Variants in OR1J2 observed in about 807,000 individuals in gnomAD.
OR1J2 encodes olfactory receptor 1J2.
For synonymous variants in OR1J2, 142 were observed against 99.7 expected, an observed-to-expected ratio of 1.42 and a Z score of -2.52; for missense variants, 304 against 246.1, an observed-to-expected ratio of 1.24 and a Z score of -1.57.
the OR1J2 span, among the ~76,000 whole-genome samples, chr9:122,468,456 C>A: frequency 6.6e-6 from 1 of 152,154 alleles, no homozygotes; most frequent in Non-Finnish European, 1.5e-5. Context: ...TGGACAAAAT[C>A]ATAAGGGTAA....
At chr9:122,577,879 T>C in the OR1J2 span, among the ~76,000 whole-genome samples, 1 of 148,504 alleles carries the variant, frequency 6.7e-6, no homozygotes, top group Non-Finnish European at 1.5e-5. Flanking sequence ...GTACCAAATA[T>C]AGTGTTTGTT....
the OR1J2 span, among the ~76,000 whole-genome samples, chr9:122,457,882 A>C: frequency 6.6e-6 from 1 of 151,936 alleles, no homozygotes; most frequent in African/African-American, 2.4e-5. Context: ...ACCACAAAAT[A>C]CTCTATCTCT....
At chr9:122,538,624 A>G in the OR1J2 span, among the ~76,000 whole-genome samples, 1 of 151,972 alleles carries the variant, frequency 6.6e-6, no homozygotes, top group African/African-American at 2.4e-5. Flanking sequence ...CCTTTTGTTA[A>G]TTTTTCTTGC....
At chr9:122,536,866 G>A in the OR1J2 span, among the ~76,000 whole-genome samples, 1 of 152,158 alleles carries the variant, frequency 6.6e-6, no homozygotes, top group Admixed American at 6.5e-5. Context: ...TCAGTTGGTT[G>A]TTAAGTATGT....
the OR1J2 span, among the ~76,000 whole-genome samples, chr9:122,482,654 T>C: frequency 3.3e-5 from 5 of 152,178 alleles, no homozygotes; most frequent in Non-Finnish European, 5.9e-5. Flanking sequence ...AATGTATATA[T>C]ACACAATGGA....
At chr9:122,522,437 G>A in the OR1J2 span, among the ~76,000 whole-genome samples, 2 of 152,148 alleles carry the variant, frequency 1.3e-5, no homozygotes, top group African/African-American at 2.4e-5. Context: ...GAAATTTTAA[G>A]AGTAAACAAA....
At chr9:122,508,428 T>C (rs763506216), upstream of OR1J2, among the ~76,000 whole-genome samples, 1 of 152,170 alleles carries the variant, frequency 6.6e-6, no homozygotes, top group Admixed American at 6.5e-5. Context: ...CAGAAGCTCA[T>C]TGGATGGATA....
At chr9:122,543,198 C>T in the OR1J2 span, among the ~76,000 whole-genome samples, 1 of 152,058 alleles carries the variant, frequency 6.6e-6, no homozygotes, top group African/African-American at 2.4e-5. Context: ...GATTCCGTTG[C>T]TCATATTTTT....
chr9:122,474,700 C>G, the OR1J2 span, among the ~76,000 whole-genome samples: 1 of 152,184 alleles, frequency 6.6e-6, no homozygotes, highest in African/African-American at 2.4e-5. Flanking sequence ...CTCTTTGTAT[C>G]TTTCACTCAT....
At chr9:122,555,448 G>A in the OR1J2 span, among the ~76,000 whole-genome samples, 1,321 of 152,262 alleles carry the variant, frequency 8.7e-3, 16 homozygotes, top group African/African-American at 0.031. Flanking sequence ...GCAATCTGCG[G>A]CTGCAATTTC....
the OR1J2 span, among the ~76,000 whole-genome samples, chr9:122,500,498 A>G: frequency 3.9e-5 from 6 of 152,188 alleles, no homozygotes; most frequent in African/African-American, 4.8e-5. Context: ...GTTGATCTCT[A>G]TGTACTATCT....
chr9:122,540,044 A>C, the OR1J2 span, among the ~76,000 whole-genome samples: 2 of 151,688 alleles, frequency 1.3e-5, no homozygotes, highest in African/African-American at 4.8e-5. Flanking sequence ...GATTGCAAAA[A>C]TTTTCTCCCA....
the OR1J2 span, among the ~76,000 whole-genome samples, chr9:122,457,871 A>G: frequency 6.6e-6 from 1 of 152,340 alleles, no homozygotes; most frequent in South Asian, 2.1e-4. Context: ...AGAATTGTAA[A>G]ACCACAAAAT....
upstream of OR1J2, among the ~76,000 whole-genome samples, chr9:122,508,140 G>C (rs539628832): frequency 5.5e-5 from 8 of 145,422 alleles, no homozygotes; most frequent in South Asian, 1.8e-3. Flanking sequence ...GAGAGAGAGA[G>C]GGAGAGAGAG....
At chr9:122,463,042 T>C in the OR1J2 span, among the ~76,000 whole-genome samples, 2 of 152,216 alleles carry the variant, frequency 1.3e-5, no homozygotes, top group Non-Finnish European at 2.9e-5. Context: ...ATTTCTCTTC[T>C]GTCTTGGGAA....
the OR1J2 span, among the ~76,000 whole-genome samples, chr9:122,482,029 A>C: frequency 7.9e-5 from 12 of 152,148 alleles, no homozygotes; most frequent in Non-Finnish European, 1.8e-4. Context: ...TATCAAACTA[A>C]AAAGCTTCTG....
At chr9:122,471,652 A>G in the OR1J2 span, among the ~76,000 whole-genome samples, 2 of 152,202 alleles carry the variant, frequency 1.3e-5, no homozygotes, top group Non-Finnish European at 2.9e-5. Context: ...TGGCCATTCA[A>G]AATTAGACAC....
chr9:122,556,467 A>G, the OR1J2 span, among the ~76,000 whole-genome samples: 6 of 151,864 alleles, frequency 4.0e-5, no homozygotes, highest in South Asian at 8.3e-4. Flanking sequence ...ATGCCACACT[A>G]TCTTAATTAC....
the OR1J2 span, among the ~76,000 whole-genome samples, chr9:122,497,146 G>C: frequency 1.3e-5 from 2 of 152,158 alleles, no homozygotes; most frequent in African/African-American, 4.8e-5. Context: ...AAAGCAAGCA[G>C]ACTCACAGTT....
Sources: gnomAD v4.1 joint callset for allele counts (sites outside exome capture counted in the v4.1 genomes callset) on GRCh38, gnomAD v4.1.1 for gene constraint, MANE v1.5 for transcripts, NCBI Gene and HGNC (gene_info 2026-07-23, HGNC 2026-07-21) for gene names.